Variants in RTF1 observed in about 807,000 individuals in gnomAD.
RTF1 encodes RTF1 homolog, Paf1/RNA polymerase II complex component.
A neutral mutation model predicts 95.7 loss-of-function variants in RTF1; 10 were observed. The observed-to-expected ratio is 0.10, with a 90% CI of 0.06 to 0.18. The LOEUF (loss-of-function observed/expected upper bound fraction) is 0.18. Ranked by LOEUF, RTF1 falls within the 10% of genes least tolerant of loss-of-function variation. RTF1 has a pLI of 1.00. For synonymous variants in RTF1, 305 were observed against 311.8 expected, an observed-to-expected ratio of 0.98 and a Z score of 0.23; for missense variants, 458 against 875.6, an observed-to-expected ratio of 0.52 and a Z score of 6.02.
intron 2 of RTF1, among the ~76,000 whole-genome samples, chr15:41,445,892 C>A (rs552663452): frequency 6.6e-6 from 1 of 151,932 alleles, no homozygotes; most frequent in East Asian, 1.9e-4. Context: ...CATGCTACCA[C>A]GCCCAGCTAA....
chr15:41,418,858 T>A (rs2050585698), intron 1 of RTF1, among the ~76,000 whole-genome samples: 1 of 151,816 alleles, frequency 6.6e-6, no homozygotes, highest in Non-Finnish European at 1.5e-5. Context: ...TTTATTTATT[T>A]ATTTATTTTT....
At chr15:41,471,439 C>T in intron 8 of RTF1, 90 bp downstream of exon 8, 1 of 1,298,706 alleles carries the variant, frequency 7.7e-7, no homozygotes, top group Non-Finnish European at 1.1e-6. Flanking sequence ...ATCGATCACT[C>T]TTCTCTCAGC....
chr15:41,478,728 G>A (rs1367647291), intron 15 of RTF1, 103 bp downstream of exon 15: 2 of 1,029,744 alleles, frequency 1.9e-6, no homozygotes, highest in African/African-American at 1.6e-5. Context: ...TGTTTTCTTA[G>A]CTGGGATTTG....
At chr15:41,434,539 A>G (rs1426804570) in intron 1 of RTF1, among the ~76,000 whole-genome samples, 1 of 151,894 alleles carries the variant, frequency 6.6e-6, no homozygotes, top group African/African-American at 2.4e-5. Context: ...TATAAAGATG[A>G]GAGAATTGAG....
chr15:41,474,572 G>C (rs1255349357), intron 8 of RTF1, 48 bp from the exon 9 acceptor site: 4 of 1,304,680 alleles, frequency 3.1e-6, no homozygotes. Flanking sequence ...GTTGTGGAAA[G>C]CTCCGGAAGA....
intron 7 of RTF1, among the ~76,000 whole-genome samples, chr15:41,470,610 C>T (rs1178985418): frequency 1.4e-5 from 2 of 145,824 alleles, no homozygotes; most frequent in East Asian, 2.0e-4. Context: ...GAACTGACTT[C>T]GTGTCATTCT....
chr15:41,454,710 G>A (rs1012183739), intron 3 of RTF1, among the ~76,000 whole-genome samples: 1 of 152,134 alleles, frequency 6.6e-6, no homozygotes, highest in Non-Finnish European at 1.5e-5. Flanking sequence ...CATTGAAAAG[G>A]ACACAATCAC....
chr15:41,467,447 C>T (rs1017433362), intron 6 of RTF1, among the ~76,000 whole-genome samples: 9 of 152,062 alleles, frequency 5.9e-5, no homozygotes, highest in Non-Finnish European at 1.2e-4. Flanking sequence ...GGTCGTGGTG[C>T]CTCACAATTG....
chr15:41,457,328 G>T (rs1460748391), intron 3 of RTF1, among the ~76,000 whole-genome samples: 2 of 152,204 alleles, frequency 1.3e-5, no homozygotes, highest in African/African-American at 4.8e-5. Context: ...GAGGTCAGGA[G>T]TTCGAGACCA....
At chr15:41,449,535 G>A (rs897466959) in intron 2 of RTF1, among the ~76,000 whole-genome samples, 2 of 152,070 alleles carry the variant, frequency 1.3e-5, no homozygotes, top group African/African-American at 4.8e-5. Flanking sequence ...TAGAGGTGGG[G>A]TCTTGCTATG....
intron 5 of RTF1, 48 bp downstream of exon 5, chr15:41,464,933 A>AGTGTGTGTGTGTGTGTGTGT: frequency 2.3e-6 from 3 of 1,303,876 alleles, no homozygotes; most frequent in Middle Eastern, 2.9e-4. Context: ...ACCTGTTTTG[A>AGTGTGTGTGTGTGTGTGTGT]GTGTGTGTGT....
chr15:41,466,041 A>G (rs573160657), intron 5 of RTF1, 100 bp from the exon 6 acceptor site: 37 of 716,190 alleles, frequency 5.2e-5, no homozygotes, highest in Non-Finnish European at 7.9e-5. Context: ...TTTGCAGCCC[A>G]TATAGATTGA....
intron 1 of RTF1, among the ~76,000 whole-genome samples, chr15:41,433,492 G>A (rs898710555): frequency 1.3e-5 from 2 of 151,846 alleles, no homozygotes; most frequent in Non-Finnish European, 2.9e-5. Context: ...GCGCCACCAT[G>A]CCCAGCTGAT....
chr15:41,478,944 T>TTC, intron 15 of RTF1, 159 bp from the exon 16 acceptor site: 1 of 131,190 alleles, frequency 7.6e-6, no homozygotes, highest in Non-Finnish European at 1.6e-5. Flanking sequence ...TGTAATTGCC[T>TTC]TTTTTTTTTT....
chr15:41,463,705 C>T (rs1241375191), intron 4 of RTF1, among the ~76,000 whole-genome samples: 1 of 152,192 alleles, frequency 6.6e-6, no homozygotes, highest in Non-Finnish European at 1.5e-5. Context: ...TAGTCTCCAA[C>T]TCCTGGACTC....
rs1403502884 is a variant in RTF1 at position 41,475,512 on chromosome 15, C to G, written c.1287-13C>G. ...TGCACATTTCTTGGAGATGCTGTCT[C>G]TCTTTTATGTAGGCATGGCAATGAC... is the stretch of plus-strand genomic sequence containing the variant. On this transcript the variant is annotated splice_polypyrimidine_tract_variant and intron_variant, in intron 9 of 17. Transcript: ENST00000389629. 2 of 1,611,514 alleles carry G rather than the reference C, an allele frequency of 1.2e-6. No individual in the cohort carries two copies. Among genetic ancestry groups the G allele is most frequent in the African/African-American group, 2.7e-5 (2 of 74,870 alleles).
At chr15:41,438,808 C>T (rs1268715998) in intron 2 of RTF1, among the ~76,000 whole-genome samples, 7 of 151,724 alleles carry the variant, frequency 4.6e-5, no homozygotes, top group African/African-American at 1.7e-4. Flanking sequence ...TTGCAGTGAG[C>T]CGGGATCGCC....
intron 1 of RTF1, among the ~76,000 whole-genome samples, chr15:41,432,729 G>A (rs2050681658): frequency 6.6e-6 from 1 of 150,872 alleles, no homozygotes; most frequent in Non-Finnish European, 1.5e-5. Flanking sequence ...CCTGAGATCA[G>A]GAGTTCAAGA....
intron 6 of RTF1, among the ~76,000 whole-genome samples, chr15:41,468,510 G>A (rs573907727): frequency 1.3e-5 from 2 of 151,990 alleles, no homozygotes; most frequent in Non-Finnish European, 2.9e-5. Flanking sequence ...GTAGAGAAGG[G>A]GTTTCACCAT....
Sources: gnomAD v4.1 joint callset for allele counts (sites outside exome capture counted in the v4.1 genomes callset) on GRCh38, gnomAD v4.1.1 for gene constraint, MANE v1.5 for transcripts, NCBI Gene and HGNC (gene_info 2026-07-23, HGNC 2026-07-21) for gene names.